The following MACROD2 variants were observed in gnomAD, a reference collection of about 807,000 sequenced individuals.
The protein encoded by MACROD2 is mono-ADP ribosylhydrolase 2.
A neutral mutation model predicts 70.4 loss-of-function variants in MACROD2; 36 were observed. The observed-to-expected ratio is 0.51, with a 90% CI of 0.39 to 0.68. The LOEUF is 0.68. MACROD2 is among the 30% of genes least tolerant of loss of function. The probability of loss-of-function intolerance (pLI) is 0.00; values close to 1 mark genes in which losing one functional copy is unlikely to be tolerated. For synonymous variants in MACROD2, 172 were observed against 178.8 expected (o/e 0.96, Z 0.30); for missense variants, 496 against 538.4 (o/e 0.92, Z 0.78).
intron 9 of MACROD2, among the ~76,000 whole-genome samples, chr20:15,884,151 T>C (rs1286534275): frequency 1.3e-5 from 2 of 151,990 alleles, no homozygotes; most frequent in Admixed American, 1.3e-4. Context: ...GGAGCCAGGA[T>C]GCAAACCTAA....
intron 3 of MACROD2, among the ~76,000 whole-genome samples, chr20:14,160,678 C>G (rs2148717192): frequency 6.6e-6 from 1 of 151,934 alleles, no homozygotes; most frequent in Non-Finnish European, 1.5e-5. Flanking sequence ...ACTAAATTTC[C>G]ATTTTGTTGA....
chr20:14,428,374 A>G (rs945039785), intron 3 of MACROD2, among the ~76,000 whole-genome samples: 1 of 152,262 alleles, frequency 6.6e-6, no homozygotes, highest in East Asian at 1.9e-4. Flanking sequence ...AGAATCCCTC[A>G]GTCTAGTATT....
intron 5 of MACROD2, chr20:14,888,630 G>C (rs993770803): frequency 6.6e-6 from 1 of 152,116 alleles, no homozygotes; most frequent in Non-Finnish European, 1.5e-5. Flanking sequence ...ATTTGGAGAA[G>C]CATTTGGACA....
At chr20:15,890,421 T>G (rs1320121646) in intron 10 of MACROD2, among the ~76,000 whole-genome samples, 2 of 152,198 alleles carry the variant, frequency 1.3e-5, no homozygotes, top group Admixed American at 6.5e-5. Flanking sequence ...GGGTTAGATT[T>G]TTCTCCCAGT....
At chr20:14,588,302 A>C (rs1001132379) in intron 4 of MACROD2, among the ~76,000 whole-genome samples, 3 of 152,150 alleles carry the variant, frequency 2.0e-5, no homozygotes, top group African/African-American at 7.2e-5. Flanking sequence ...TACTGGCAAA[A>C]AGTTTAACAA....
intron 5 of MACROD2, chr20:14,892,941 A>G (rs2073781064): frequency 1.3e-5 from 2 of 152,218 alleles, no homozygotes; most frequent in South Asian, 4.1e-4. Context: ...GGCTTCCCAA[A>G]GTGCTGGGAT....
At chr20:15,828,935 A>G (rs1267428209) in intron 8 of MACROD2, among the ~76,000 whole-genome samples, 2 of 152,218 alleles carry the variant, frequency 1.3e-5, no homozygotes, top group Non-Finnish European at 2.9e-5. Flanking sequence ...TGGTTTGTAA[A>G]TACCATAATT....
intron 6 of MACROD2, among the ~76,000 whole-genome samples, chr20:15,399,871 A>G (rs2045907136): frequency 6.6e-6 from 1 of 152,310 alleles, no homozygotes; most frequent in Non-Finnish European, 1.5e-5. Context: ...AGAAAATCTG[A>G]GTTGGAGCTT....
intron 8 of MACROD2, among the ~76,000 whole-genome samples, chr20:15,829,887 A>C (rs1044125307): frequency 1.3e-5 from 2 of 152,236 alleles, no homozygotes; most frequent in African/African-American, 2.4e-5. Context: ...GCATGGTTAA[A>C]GCAGGAGTTG....
chr20:15,271,207 G>C (rs1175821221), intron 6 of MACROD2, among the ~76,000 whole-genome samples: 2 of 152,150 alleles, frequency 1.3e-5, no homozygotes, highest in Non-Finnish European at 2.9e-5. Context: ...AGCAGATTTG[G>C]CTTCTGGTGA....
chr20:15,700,422 GCTGCC>G (rs1432522241), intron 8 of MACROD2, among the ~76,000 whole-genome samples: 2 of 152,212 alleles, frequency 1.3e-5, no homozygotes, highest in Non-Finnish European at 2.9e-5. Context: ...CTGCTCTGCC[GCTGCC>G]CCAACTCGGC....
intron 3 of MACROD2, among the ~76,000 whole-genome samples, chr20:14,286,296 T>C (rs552348718): frequency 1.6e-4 from 25 of 152,294 alleles, no homozygotes; most frequent in African/African-American, 5.3e-4. Context: ...ATTTCTGTGC[T>C]TTAGTTTTTC....
At chr20:15,614,260 TATCTA>T (rs527778819) in intron 8 of MACROD2, among the ~76,000 whole-genome samples, 163 of 152,350 alleles carry the variant, frequency 1.1e-3, no homozygotes, top group Admixed American at 4.1e-3. Context: ...TCTTGTCTGT[TATCTA>T]TTCTATTATC....
At chr20:14,775,664 A>G (rs946360838) in intron 5 of MACROD2, among the ~76,000 whole-genome samples, 3 of 152,080 alleles carry the variant, frequency 2.0e-5, no homozygotes. Flanking sequence ...GAGGGGACAA[A>G]CATCCAAACT....
chr20:15,357,027 A>G (rs1271762210), intron 6 of MACROD2, among the ~76,000 whole-genome samples: 2 of 152,210 alleles, frequency 1.3e-5, no homozygotes, highest in Non-Finnish European at 2.9e-5. Flanking sequence ...TTATATGAAT[A>G]GAAAGAAGAT....
intron 5 of MACROD2, among the ~76,000 whole-genome samples, chr20:14,968,091 C>T (rs1365551617): frequency 1.3e-5 from 2 of 152,040 alleles, no homozygotes; most frequent in Non-Finnish European, 2.9e-5. Flanking sequence ...TACATGATTG[C>T]AATTGTGAGG....
intron 13 of MACROD2, among the ~76,000 whole-genome samples, chr20:15,980,227 C>T (rs2066376443): frequency 1.3e-5 from 2 of 152,204 alleles, no homozygotes; most frequent in South Asian, 4.1e-4. Flanking sequence ...CAGGCCCAGG[C>T]CTGGTTTCGG....
chr20:15,082,074 A>G (rs1483069569), intron 5 of MACROD2, among the ~76,000 whole-genome samples: 1 of 152,218 alleles, frequency 6.6e-6, no homozygotes, highest in Non-Finnish European at 1.5e-5. Flanking sequence ...TGGCAATGAC[A>G]GAATGAGATC....
chr20:14,548,435 C>CTTAGTTTTTTTTTTT (rs1978415749), intron 4 of MACROD2, among the ~76,000 whole-genome samples: 1 of 72,334 alleles, frequency 1.4e-5, no homozygotes, highest in African/African-American at 3.9e-5. Context: ...AATACATTAT[C>CTTAGTTTTTTTTTTT]TGGCCGGGCG....
Sources: gnomAD v4.1 joint callset for allele counts (sites outside exome capture counted in the v4.1 genomes callset) on GRCh38, gnomAD v4.1.1 for gene constraint, MANE v1.5 for transcripts, NCBI Gene and HGNC (gene_info 2026-07-23, HGNC 2026-07-21) for gene names.